ANK3: variants seen among roughly 807,000 people sequenced by gnomAD.
ANK3 encodes the protein ankyrin 3.
In ANK3, 57 loss-of-function variants were observed where a neutral mutation model predicts 370.9. That is an observed-to-expected ratio of 0.15 (90% confidence interval 0.12 to 0.19). The LOEUF (loss-of-function observed/expected upper bound fraction) is 0.19, where lower values mean the gene tolerates loss of function less well. Among genes scored for constraint, ANK3 ranks in the 10% least tolerant of loss-of-function variants. The pLI is 1.00. For synonymous variants in ANK3, 1,929 were observed against 1,946.3 expected (o/e 0.99, Z 0.23); for missense variants, 4,439 against 5,302.1 (o/e 0.84, Z 5.06).
chr10:60,519,989 A>T (rs187587811), intron 2 of ANK3, among the ~76,000 whole-genome samples: 188 of 152,262 alleles, frequency 1.2e-3, no homozygotes, highest in Non-Finnish European at 2.3e-3. Flanking sequence ...AACACAAGCA[A>T]CACAAAGTCA....
intron 1 of ANK3, among the ~76,000 whole-genome samples, chr10:60,341,827 C>T (rs918214158): frequency 6.6e-6 from 1 of 152,038 alleles, no homozygotes; most frequent in Non-Finnish European, 1.5e-5. Flanking sequence ...TTTAAGTAGA[C>T]CACGATAGGG....
At chr10:60,032,160 A>G (rs1023066864) in intron 43 of ANK3, among the ~76,000 whole-genome samples, 2 of 123,054 alleles carry the variant, frequency 1.6e-5, no homozygotes. Context: ...TATAATTTGT[A>G]TATCATACTT....
chr10:60,479,108 T>C (rs2075145279), intron 2 of ANK3, among the ~76,000 whole-genome samples: 1 of 152,102 alleles, frequency 6.6e-6, no homozygotes, highest in Admixed American at 6.6e-5. Flanking sequence ...TGAACTTTGG[T>C]TGTCCTAGGA....
chr10:60,597,032 G>T (rs1463202183), intron 2 of ANK3, among the ~76,000 whole-genome samples: 1 of 152,052 alleles, frequency 6.6e-6, no homozygotes, highest in Admixed American at 6.6e-5. Flanking sequence ...AAATTTTCCT[G>T]ATTTAAAAAA....
intron 2 of ANK3, among the ~76,000 whole-genome samples, chr10:60,435,229 T>C (rs2064127617): frequency 2.0e-5 from 3 of 152,158 alleles, no homozygotes; most frequent in African/African-American, 4.8e-5. Flanking sequence ...GGAATGTATA[T>C]TTTTGAAAGT....
intron 2 of ANK3, among the ~76,000 whole-genome samples, chr10:60,575,385 T>C (rs1306627024): frequency 3.3e-5 from 5 of 152,118 alleles, no homozygotes; most frequent in Non-Finnish European, 7.4e-5. Flanking sequence ...GGCAAAATTC[T>C]ACAAAAGATC....
Position 60,072,983 on chromosome 10 carries a change from T to C in ANK3, c.7898A>G (p.Lys2633Arg), listed in dbSNP as rs1001819883. The part of the protein sequence containing the change: ...SQSPTSSSPE[K>R]VLLTELLASN... The stretch of plus-strand genomic sequence containing the variant: ...TGCCAGCAGTTCTGTCAGTAGCACT[T>C]TCTCAGGGCTGCTACTGGTAGGGCT... The change falls in exon 37 of 44, where the codon AAA (lysine) becomes AGA (arginine). Residue 2633 changes from lysine to arginine, a missense_variant. Lys to Arg is a conservative substitution (Grantham distance 26). Around this residue, in one of 13 missense-constraint regions of ANK3, gnomAD observed 1,601 missense variants for 1,731.7 expected, o/e 0.92. Coordinates refer to ENST00000280772, the MANE Select transcript of ANK3 (RefSeq NM_020987.5). 1.9e-6 allele frequency: 3 copies of C among 1,614,156 alleles called. No homozygotes were observed. Among genetic ancestry groups the C allele is most frequent in the Non-Finnish European group, 2.5e-6 (3 of 1,180,024 alleles).
At chr10:60,193,894 G>A (rs2132394117) in intron 16 of ANK3, among the ~76,000 whole-genome samples, 1 of 152,312 alleles carries the variant, frequency 6.6e-6, no homozygotes, top group South Asian at 2.1e-4. Context: ...GCCAAGGTAG[G>A]AGGATCACTT....
intron 5 of ANK3, among the ~76,000 whole-genome samples, chr10:60,266,170 C>T (rs1281745620): frequency 6.6e-6 from 1 of 152,050 alleles, no homozygotes; most frequent in Non-Finnish European, 1.5e-5. Context: ...CAAGATGTCA[C>T]AAAAACGATA....
At chr10:60,172,284 C>G in intron 21 of ANK3, 24 bp downstream of exon 21, 1 of 1,591,094 alleles carries the variant, frequency 6.3e-7, no homozygotes, top group South Asian at 1.1e-5. Context: ...CCTAGGGTAA[C>G]AAGGTTCTGC....
At chr10:60,064,848 C>T (rs1344762889) in intron 38 of ANK3, among the ~76,000 whole-genome samples, 2 of 152,078 alleles carry the variant, frequency 1.3e-5, no homozygotes, top group East Asian at 1.9e-4. Context: ...GGCAATAGAG[C>T]GAGACCCTAT....
At chr10:60,398,874 C>T (rs937015785) in intron 2 of ANK3, among the ~76,000 whole-genome samples, 1 of 152,184 alleles carries the variant, frequency 6.6e-6, no homozygotes, top group African/African-American at 2.4e-5. Context: ...CATAGCATAT[C>T]TGGTTCACTA....
At chr10:60,088,566 C>T (rs958907768) in intron 28 of ANK3, among the ~76,000 whole-genome samples, 8 of 152,100 alleles carry the variant, frequency 5.3e-5, no homozygotes, top group East Asian at 1.9e-4. Context: ...GCTGGGATTA[C>T]GGGCATGCAC....
chr10:60,674,718 G>A (rs2079103526), intron 1 of ANK3, among the ~76,000 whole-genome samples: 1 of 152,164 alleles, frequency 6.6e-6, no homozygotes, highest in Non-Finnish European at 1.5e-5. Context: ...TGTATCTTAT[G>A]TCCCTTTGCA....
intron 2 of ANK3, among the ~76,000 whole-genome samples, chr10:60,423,637 C>T (rs1003125952): frequency 6.6e-6 from 1 of 151,946 alleles, no homozygotes; most frequent in African/African-American, 2.4e-5. Context: ...TTATTAAAAA[C>T]TCTTTATATT....
At chr10:60,632,249 C>T (rs1011131244) in intron 1 of ANK3, among the ~76,000 whole-genome samples, 5 of 152,144 alleles carry the variant, frequency 3.3e-5, no homozygotes, top group African/African-American at 9.7e-5. Flanking sequence ...AACCAAATTG[C>T]TTTCATCATC....
chr10:60,555,218 T>A (rs1439583354), intron 2 of ANK3, among the ~76,000 whole-genome samples: 1 of 152,166 alleles, frequency 6.6e-6, no homozygotes, highest in Admixed American at 6.5e-5. Flanking sequence ...ACACCCATGA[T>A]CCTAGTATAT....
intron 2 of ANK3, chr10:60,572,770 T>G (rs1325698396): frequency 7.9e-7 from 1 of 1,261,662 alleles, no homozygotes; most frequent in Non-Finnish European, 9.9e-7. Flanking sequence ...AGTCAATTAT[T>G]CTTCTAAAGA....
chr10:60,400,376 G>A (rs1220915623), intron 2 of ANK3, among the ~76,000 whole-genome samples: 1 of 152,162 alleles, frequency 6.6e-6, no homozygotes. Context: ...TCTTTTACAA[G>A]TCTTTCTCAC....
Sources: allele counts gnomAD v4.1 joint callset (sites outside exome capture counted in the v4.1 genomes callset), GRCh38; gene constraint gnomAD v4.1.1; regional missense constraint gnomAD v4.1.1; transcripts MANE v1.5; gene names NCBI Gene and HGNC (gene_info 2026-07-23, HGNC 2026-07-21).